Variants in LRRC7 observed in about 807,000 individuals in gnomAD.
LRRC7 encodes leucine-rich repeat-containing protein 7.
Under a neutral mutation model 175.7 loss-of-function variants are expected in LRRC7, and 23 were observed. The observed-to-expected ratio is 0.13, with a 90% CI of 0.09 to 0.19. LRRC7 has a LOEUF of 0.19. LRRC7 is among the 10% of genes least tolerant of loss of function. The pLI is 1.00. For missense variants in LRRC7, 1,354 were observed against 1,904.7 expected (o/e 0.71, Z 5.38); for synonymous variants, 685 against 680.9 (o/e 1.01, Z -0.09).
intron 7 of LRRC7, among the ~76,000 whole-genome samples, chr1:69,846,215 T>A (rs1682349017): frequency 6.6e-6 from 1 of 152,128 alleles, no homozygotes; most frequent in Non-Finnish European, 1.5e-5. Flanking sequence ...TTCCATAGAC[T>A]CACAAAGAAA....
chr1:70,025,135 A>C (rs915494966), intron 17 of LRRC7, among the ~76,000 whole-genome samples: 1 of 151,990 alleles, frequency 6.6e-6, no homozygotes, highest in Non-Finnish European at 1.5e-5. Flanking sequence ...AGTTACTTAC[A>C]TGGTCTGAGC....
At chr1:69,925,751 C>A (rs1008168423) in intron 7 of LRRC7, among the ~76,000 whole-genome samples, 2 of 152,090 alleles carry the variant, frequency 1.3e-5, no homozygotes, top group African/African-American at 4.8e-5. Flanking sequence ...AAAAAACCAG[C>A]TCCTGGATTC....
At chr1:69,818,369 T>A (rs143045154) in intron 4 of LRRC7, among the ~76,000 whole-genome samples, 1 of 152,270 alleles carries the variant, frequency 6.6e-6, no homozygotes, top group Non-Finnish European at 1.5e-5. Context: ...AGTAAAATGA[T>A]CATATGATTC....
chr1:69,930,778 A>G (rs971455837), intron 7 of LRRC7, among the ~76,000 whole-genome samples: 2 of 152,226 alleles, frequency 1.3e-5, no homozygotes, highest in Non-Finnish European at 1.5e-5. Flanking sequence ...GGCACATCTT[A>G]TATGGCAGCA....
intron 1 of LRRC7, among the ~76,000 whole-genome samples, chr1:69,618,801 C>A (rs569895688): frequency 2.6e-5 from 4 of 152,262 alleles, no homozygotes; most frequent in African/African-American, 9.6e-5. Context: ...TAAACTGGTG[C>A]CTGCTTTCCA....
intron 7 of LRRC7, among the ~76,000 whole-genome samples, chr1:69,875,480 AG>A (rs1685958309): frequency 6.6e-6 from 1 of 152,106 alleles, no homozygotes; most frequent in African/African-American, 2.4e-5. Flanking sequence ...TGATTATAAA[AG>A]TAAAAGGTTA....
intron 1 of LRRC7, among the ~76,000 whole-genome samples, chr1:69,650,539 C>CAAAAAAAAAAAAGAAAAAAAAA (rs1655667318): frequency 1.3e-5 from 1 of 79,220 alleles, no homozygotes; most frequent in Non-Finnish European, 2.4e-5. Context: ...GACTCCGTCT[C>CAAAAAAAAAAAAGAAAAAAAAA]AAAAAAAAAA....
At chr1:69,584,917 A>G (rs996015511) in intron 1 of LRRC7, among the ~76,000 whole-genome samples, 3 of 152,024 alleles carry the variant, frequency 2.0e-5, no homozygotes, top group Admixed American at 6.6e-5. Context: ...TTCTCTTTTT[A>G]CCTGGTTAAC....
chr1:69,716,967 A>G (rs1445623590), intron 2 of LRRC7, among the ~76,000 whole-genome samples: 1 of 151,808 alleles, frequency 6.6e-6, no homozygotes, highest in African/African-American at 2.4e-5. Context: ...TAAAGCTAAA[A>G]GGATTTTAGA....
intron 1 of LRRC7, among the ~76,000 whole-genome samples, chr1:69,615,122 C>A (rs1201034879): frequency 6.6e-6 from 1 of 152,020 alleles, no homozygotes. Context: ...CACCAATAAT[C>A]CCTTTTATGA....
chr1:69,681,965 C>T (rs1457499139), intron 2 of LRRC7, among the ~76,000 whole-genome samples: 6 of 152,092 alleles, frequency 3.9e-5, no homozygotes, highest in Admixed American at 2.6e-4. Flanking sequence ...GTCCAGAGTT[C>T]GCTGCTTCAG....
chr1:69,632,585 T>A (rs983729404), intron 1 of LRRC7, among the ~76,000 whole-genome samples: 13 of 152,152 alleles, frequency 8.5e-5, no homozygotes, highest in African/African-American at 2.9e-4. Context: ...TCTATTATCA[T>A]CATATTTTGT....
At chr1:69,939,608 A>G (rs1347955661) in intron 8 of LRRC7, among the ~76,000 whole-genome samples, 1 of 152,150 alleles carries the variant, frequency 6.6e-6, no homozygotes, top group African/African-American at 2.4e-5. Context: ...CTCACAGCTG[A>G]AAAGCTACTG....
chr1:69,621,172 G>A (rs928479605), intron 1 of LRRC7, among the ~76,000 whole-genome samples: 5 of 151,998 alleles, frequency 3.3e-5, no homozygotes, highest in Admixed American at 2.0e-4. Flanking sequence ...AGGTTCCCGA[G>A]TAGCTGGGAT....
chr1:69,727,206 C>G (rs1032665013), intron 2 of LRRC7, among the ~76,000 whole-genome samples: 2 of 152,172 alleles, frequency 1.3e-5, no homozygotes, highest in South Asian at 4.1e-4. Context: ...GAGGGATGCA[C>G]TGGTGAGCCA....
At chr1:69,578,997 C>A (rs1401087772) in intron 1 of LRRC7, among the ~76,000 whole-genome samples, 1 of 151,552 alleles carries the variant, frequency 6.6e-6, no homozygotes, top group African/African-American at 2.4e-5. Context: ...GTATTTTAGT[C>A]CTGGTAATAT....
At chr1:69,666,354 C>T (rs1658269808) in intron 1 of LRRC7, among the ~76,000 whole-genome samples, 2 of 152,050 alleles carry the variant, frequency 1.3e-5, no homozygotes, top group African/African-American at 4.8e-5. Context: ...GAAAGTATTC[C>T]TTCCTCCTCT....
chr1:69,837,694 A>G (rs905166697), intron 6 of LRRC7, among the ~76,000 whole-genome samples: 2 of 151,850 alleles, frequency 1.3e-5, no homozygotes, highest in African/African-American at 4.8e-5. Context: ...AAATTAAACA[A>G]CAAATATACC....
intron 21 of LRRC7, among the ~76,000 whole-genome samples, chr1:70,042,434 A>G (rs2102037936): frequency 6.6e-6 from 1 of 152,356 alleles, no homozygotes; most frequent in South Asian, 2.1e-4. Context: ...TGTCCATTCT[A>G]CGTAAAAGAC....
Sources: gnomAD v4.1 joint callset for allele counts (sites outside exome capture counted in the v4.1 genomes callset) on GRCh38, gnomAD v4.1.1 for gene constraint, MANE v1.5 for transcripts, NCBI Gene and HGNC (gene_info 2026-07-23, HGNC 2026-07-21) for gene names.